Variants in TBC1D8 observed in about 807,000 individuals in gnomAD.
TBC1D8 encodes BUB2-like protein 1.
TBC1D8 carries 65 observed loss-of-function variants against 118.8 expected under a neutral mutation model. The observed-to-expected ratio is 0.55, with a 90% confidence interval of 0.45 to 0.67. The LOEUF (loss-of-function observed/expected upper bound fraction) is 0.67. Ranked by LOEUF, TBC1D8 falls within the 30% of genes least tolerant of loss-of-function variation. The pLI, the probability that TBC1D8 is intolerant of heterozygous loss-of-function variation, is 0.00. For synonymous variants in TBC1D8, 566 were observed against 595.8 expected (o/e 0.95, Z 0.73); for missense variants, 1,376 against 1,471.2 (o/e 0.94, Z 1.06).
intron 1 of TBC1D8, chr2:101,109,876 G>A (rs1677481807): frequency 2.0e-6 from 2 of 985,326 alleles, no homozygotes; most frequent in East Asian, 1.1e-4. Flanking sequence ...CCCTCCACAA[G>A]CCCAAACCGG....
chr2:101,038,100 T>C (rs1312346097), intron 7 of TBC1D8, among the ~76,000 whole-genome samples: 1 of 151,936 alleles, frequency 6.6e-6, no homozygotes, highest in Non-Finnish European at 1.5e-5. Flanking sequence ...AGAAGAGACA[T>C]GAAAAAAGGA....
chr2:101,131,575 G>A (rs1382579641), intron 1 of TBC1D8, among the ~76,000 whole-genome samples: 1 of 152,114 alleles, frequency 6.6e-6, no homozygotes, highest in African/African-American at 2.4e-5. Flanking sequence ...AGCACTTTGG[G>A]AGGCTGAGGC....
At chr2:101,068,329 T>G (rs1478240335) in intron 2 of TBC1D8, 1 of 213,058 alleles carries the variant, frequency 4.7e-6, no homozygotes, top group Non-Finnish European at 9.2e-6. Flanking sequence ...TCTTTTCTTC[T>G]GTAGGCTTGA....
chr2:101,112,574 G>A (rs889093114), intron 1 of TBC1D8, among the ~76,000 whole-genome samples: 16 of 152,158 alleles, frequency 1.1e-4, no homozygotes, highest in Non-Finnish European at 1.3e-4. Flanking sequence ...GTCCACCTCC[G>A]CTGCCAAACG....
chr2:101,012,855 T>G (rs1405436062), intron 17 of TBC1D8, among the ~76,000 whole-genome samples: 1 of 152,206 alleles, frequency 6.6e-6, no homozygotes, highest in East Asian at 1.9e-4. Context: ...AGCAAAGCTT[T>G]GGAAAGCTAC....
chr2:101,127,029 C>A (rs1416614579), intron 1 of TBC1D8, among the ~76,000 whole-genome samples: 1 of 152,176 alleles, frequency 6.6e-6, no homozygotes, highest in Non-Finnish European at 1.5e-5. Flanking sequence ...AGCCAGAGAA[C>A]AAGCTGTTAA....
intron 2 of TBC1D8, 144 bp from the exon 3 acceptor site, chr2:101,059,683 G>C: frequency 3.1e-6 from 2 of 641,072 alleles, no homozygotes; most frequent in Non-Finnish European, 5.3e-6. Flanking sequence ...GCTCACGCCT[G>C]TAATCCCAGG....
At chr2:101,013,755 T>A (rs1407251219) in intron 17 of TBC1D8, among the ~76,000 whole-genome samples, 2 of 152,244 alleles carry the variant, frequency 1.3e-5, no homozygotes, top group East Asian at 3.8e-4. Flanking sequence ...AGTTCCACCA[T>A]AAGTGTCTTC....
chr2:101,028,746 C>G (rs1339147121), intron 12 of TBC1D8, among the ~76,000 whole-genome samples: 1 of 152,174 alleles, frequency 6.6e-6, no homozygotes, highest in African/African-American at 2.4e-5. Flanking sequence ...TGTCATCTGA[C>G]TTGCCCTCAG....
rs995281329 is a variant in TBC1D8, at chr2:101,050,339, G to C, written c.872+62C>G. ...CTAACAAAAGCACTTGTACATAAGG[G>C]ATGGGCACAGCTTATGGGTCCCCCG... On this transcript the variant is annotated intron_variant, in intron 5 of 19. Transcript: ENST00000409318. 39 of 1,560,880 alleles carry C rather than the reference G, an allele frequency of 2.5e-5. No individual in the cohort carries two copies. The African/African-American group carries it at 5.0e-4, about 20-fold the overall frequency.
intron 4 of TBC1D8, among the ~76,000 whole-genome samples, chr2:101,051,925 C>A (rs932514938): frequency 1.3e-5 from 2 of 152,216 alleles, no homozygotes; most frequent in Non-Finnish European, 2.9e-5. Flanking sequence ...TGGTCAAAAC[C>A]CAACTCATGT....
chr2:101,028,240 C>T, intron 13 of TBC1D8, 63 bp downstream of exon 13: 1 of 1,591,556 alleles, frequency 6.3e-7, no homozygotes, highest in East Asian at 2.3e-5. Context: ...ACATCCATCC[C>T]CCAGTCACAA....
At chr2:101,059,887 C>T (rs1278752904) in intron 2 of TBC1D8, among the ~76,000 whole-genome samples, 2 of 152,002 alleles carry the variant, frequency 1.3e-5, no homozygotes, top group South Asian at 2.1e-4. Context: ...TGCAGTGAGC[C>T]GAGATGGCAT....
At chr2:101,074,232 G>T (rs1674658675) in intron 2 of TBC1D8, among the ~76,000 whole-genome samples, 2 of 152,188 alleles carry the variant, frequency 1.3e-5, no homozygotes. Flanking sequence ...CAAGAAGGTG[G>T]CCCAGTGGGT....
chr2:101,032,532 G>T, intron 10 of TBC1D8, 147 bp from the exon 11 acceptor site: 1 of 632,520 alleles, frequency 1.6e-6, no homozygotes, highest in Non-Finnish European at 2.8e-6. Flanking sequence ...ACACTGTACA[G>T]TGGAATGACC....
intron 5 of TBC1D8, among the ~76,000 whole-genome samples, chr2:101,047,139 A>C (rs1203342928): frequency 6.6e-6 from 1 of 152,130 alleles, no homozygotes; most frequent in East Asian, 1.9e-4. Flanking sequence ...CGAGGCTATG[A>C]TGCAGGGATC....
intron 2 of TBC1D8, among the ~76,000 whole-genome samples, chr2:101,075,332 A>C (rs1434634828): frequency 6.7e-6 from 1 of 150,294 alleles, no homozygotes; most frequent in Admixed American, 6.7e-5. Context: ...TGGGAGGTTC[A>C]GTGAGCCAAG....
intron 4 of TBC1D8, among the ~76,000 whole-genome samples, chr2:101,053,563 C>G (rs986029914): frequency 1.3e-5 from 2 of 152,236 alleles, no homozygotes; most frequent in African/African-American, 4.8e-5. Flanking sequence ...ACTCAATACA[C>G]AATTGACACT....
chr2:101,050,855 C>A (rs1682029263), intron 4 of TBC1D8, among the ~76,000 whole-genome samples: 2 of 152,178 alleles, frequency 1.3e-5, no homozygotes, highest in African/African-American at 4.8e-5. Context: ...TATTTCATCA[C>A]CCAGGTGTTA....
Sources: allele counts gnomAD v4.1 joint callset (sites outside exome capture counted in the v4.1 genomes callset), GRCh38; gene constraint gnomAD v4.1.1; transcripts MANE v1.5; gene names NCBI Gene and HGNC (gene_info 2026-07-23, HGNC 2026-07-21).